The following PCDH11X variants were observed in gnomAD, a reference collection of about 807,000 sequenced individuals.
PCDH11X encodes protocadherin-11 X-linked.
A neutral mutation model predicts 53.3 loss-of-function variants in PCDH11X; 18 were observed. The observed-to-expected ratio is 0.34, with a 90% CI of 0.23 to 0.50. The LOEUF is 0.50. PCDH11X is among the 20% of genes least tolerant of loss of function. The pLI is 0.98. For missense variants in PCDH11X, 570 were observed against 1,032.4 expected (o/e 0.55, Z 6.14); for synonymous variants, 279 against 393.3 (o/e 0.71, Z 3.44).
chrX:92,270,087 A>G (rs1206141041), intron 8 of PCDH11X, among the ~76,000 whole-genome samples: 2 of 106,849 alleles, frequency 1.9e-5, no homozygotes, highest in Non-Finnish European at 3.8e-5. Context: ...TTCCTTCTGT[A>G]TCTTTCAATT....
intron 7 of PCDH11X, among the ~76,000 whole-genome samples, chrX:92,209,921 T>C (rs1028747100): frequency 8.9e-6 from 1 of 112,333 alleles, no homozygotes; most frequent in Non-Finnish European, 1.9e-5. Flanking sequence ...CTGCCAAGGC[T>C]TGGGGCTTGC....
intron 6 of PCDH11X, among the ~76,000 whole-genome samples, chrX:92,121,981 GTTTTTTTTTT>G (rs746833949): frequency 1.4e-5 from 1 of 69,460 alleles, no homozygotes; most frequent in Non-Finnish European, 2.8e-5. Flanking sequence ...AGTCATTTCT[GTTTTTTTTTT>G]TTTTTTTTTT....
intron 10 of PCDH11X, among the ~76,000 whole-genome samples, chrX:92,555,514 G>A (rs2148755863): frequency 8.9e-6 from 1 of 112,053 alleles, no homozygotes; most frequent in South Asian, 3.7e-4. Context: ...GAATCATACA[G>A]ATTAGAGACT....
chrX:91,932,710 G>A lies in PCDH11X; in HGVS notation c.3033+53437G>A, dbSNP rs558932927. On this transcript the variant is annotated intron_variant, in intron 6 of 10. Coordinates refer to ENST00000682573, the MANE Select transcript of PCDH11X (RefSeq NM_032968.5). The stretch of plus-strand genomic sequence containing the variant: ...TGTGTGTGTGTGTGTGCGCGCGCGC[G>A]CGCCTGAGAAAGAGATAGAGGGAGA... Among the ~76,000 whole-genome samples, 940 of 110,565 alleles carry A rather than the reference G, an allele frequency of 8.5e-3. 12 individuals carry two copies. The highest frequency in any genetic ancestry group is 0.058 in the South Asian group (148 of 2,568).
chrX:92,212,160 C>T (rs1024030352), intron 7 of PCDH11X, among the ~76,000 whole-genome samples: 1 of 108,991 alleles, frequency 9.2e-6, no homozygotes, highest in Non-Finnish European at 1.9e-5. Flanking sequence ...TGCATGTGCA[C>T]ACCACCACAC....
intron 7 of PCDH11X, among the ~76,000 whole-genome samples, chrX:92,240,457 G>A (rs1043662409): frequency 5.4e-5 from 6 of 111,245 alleles, no homozygotes; most frequent in African/African-American, 1.6e-4. Flanking sequence ...CAAGTTAATC[G>A]GCCTTTATGT....
intron 6 of PCDH11X, among the ~76,000 whole-genome samples, chrX:92,079,121 G>C (rs187574480): frequency 5.7e-4 from 64 of 111,412 alleles, no homozygotes; most frequent in Admixed American, 5.6e-3. Context: ...CTGGAGGTTG[G>C]AGATCTACAG....
At chrX:91,811,107 G>C (rs147052878) in intron 3 of PCDH11X, 130 bp from the exon 4 acceptor site, 114,900 of 573,857 alleles carry the variant, frequency 0.2, 9,889 homozygotes, top group East Asian at 0.26. Context: ...CTCCTATCTA[G>C]TGCAGCATTT....
intron 5 of PCDH11X, among the ~76,000 whole-genome samples, chrX:91,874,425 C>G: frequency 9.0e-6 from 1 of 111,079 alleles, no homozygotes; most frequent in Non-Finnish European, 1.9e-5. Flanking sequence ...TTGATTATTG[C>G]TCTGAGTAAA....
chrX:92,035,304 G>A lies in PCDH11X; in HGVS notation c.3033+156031G>A, dbSNP rs751711661. On this transcript the variant is annotated intron_variant, in intron 6 of 10. Transcript: ENST00000682573. Reference sequence around the variant, plus strand: ...CTTTCAGATTGAAGCATTCCCTTTAGCATTTCTTGTAGCACGTATCTGGTG... The same window carrying A: ...CTTTCAGATTGAAGCATTCCCTTTAACATTTCTTGTAGCACGTATCTGGTG... 3.8e-3 allele frequency among the ~76,000 whole-genome samples: 422 copies of A among 111,519 alleles called. 1 individual carries two copies. Among genetic ancestry groups the A allele is most frequent in the African/African-American group, 0.013 (393 of 30,715 alleles).
chrX:92,482,966 C>T (rs1202376814), intron 10 of PCDH11X, among the ~76,000 whole-genome samples: 1 of 109,449 alleles, frequency 9.1e-6, no homozygotes, highest in East Asian at 2.9e-4. Context: ...GTATCTGACA[C>T]CAAACATTAA....
At chrX:92,335,788 T>C (rs1345097494) in intron 8 of PCDH11X, among the ~76,000 whole-genome samples, 2 of 112,137 alleles carry the variant, frequency 1.8e-5, no homozygotes. Flanking sequence ...TTCTAGCCAG[T>C]ATCATATAAA....
intron 4 of PCDH11X, among the ~76,000 whole-genome samples, chrX:91,825,349 C>G (rs750544003): frequency 9.0e-6 from 1 of 111,425 alleles, no homozygotes; most frequent in African/African-American, 3.3e-5. Context: ...TAGGACCTTC[C>G]GAGCCAGGTG....
At chrX:92,599,964 GA>G (rs1302964495) in intron 10 of PCDH11X, among the ~76,000 whole-genome samples, 1 of 110,209 alleles carries the variant, frequency 9.1e-6, no homozygotes, top group Non-Finnish European at 1.9e-5. Flanking sequence ...GTGGAACTTT[GA>G]ACATGAGAGA....
intron 6 of PCDH11X, among the ~76,000 whole-genome samples, chrX:92,133,425 G>A (rs1387419189): frequency 2.2e-4 from 25 of 111,279 alleles, no homozygotes; most frequent in African/African-American, 7.6e-4. Flanking sequence ...GGAGTGCAAT[G>A]GGACAACCTC....
chrX:92,514,878 C>T (rs1275989046), intron 10 of PCDH11X, among the ~76,000 whole-genome samples: 1 of 104,882 alleles, frequency 9.5e-6, no homozygotes, highest in Non-Finnish European at 2.0e-5. Context: ...AAACCCCATC[C>T]CTACTAAAAA....
chrX:92,524,900 T>C (rs184087726), intron 10 of PCDH11X, among the ~76,000 whole-genome samples: 212 of 111,597 alleles, frequency 1.9e-3, no homozygotes, highest in African/African-American at 6.7e-3. Flanking sequence ...GTTTTTGCTA[T>C]GAGGAACTCT....
intron 6 of PCDH11X, chrX:91,983,016 C>A (rs2062166391): frequency 6.7e-6 from 8 of 1,187,781 alleles, no homozygotes; most frequent in African/African-American, 1.7e-5. Context: ...CTGGGTCACT[C>A]CGGACTTTGC....
rs2069960957 is a variant in PCDH11X at position 92,348,520 on chromosome X, TA to T, written c.3145-39214del. 4.0e-5 allele frequency among the ~76,000 whole-genome samples: 3 copies of T among 75,599 alleles called. No homozygotes were observed. The East Asian group carries it at 1.2e-3, about 29-fold the overall frequency. 65.6% of individuals were successfully genotyped at this position (75,599 alleles called of 115,157 possible). A position where few individuals can be genotyped will look rare whatever the true frequency, so the allele number is the denominator to read the frequency against. On this transcript the variant is annotated intron_variant, in intron 8 of 10. Transcript: ENST00000682573. ...CAAACATCAAAATTATCATTATTATTATTATTATTATTATTATTATTATTAT... is the reference window on the plus strand; with the variant it reads ...CAAACATCAAAATTATCATTATTATTTTATTATTATTATTATTATTATTAT...
Sources: allele counts gnomAD v4.1 joint callset (sites outside exome capture counted in the v4.1 genomes callset), GRCh38; gene constraint gnomAD v4.1.1; transcripts MANE v1.5; gene names NCBI Gene and HGNC (gene_info 2026-07-23, HGNC 2026-07-21).